CNTNAP3B: variants seen among roughly 807,000 people sequenced by gnomAD.
The protein encoded by CNTNAP3B is contactin associated protein family member 3B.
CNTNAP3B carries 25 observed loss-of-function variants against 108.9 expected under a neutral mutation model. The ratio of observed to expected loss-of-function variants is 0.23; its 90% CI spans 0.17 to 0.32. The LOEUF (loss-of-function observed/expected upper bound fraction) is 0.32. Among genes scored for constraint, CNTNAP3B ranks in the 10% least tolerant of loss-of-function variants. The pLI is 1.00. For synonymous variants in CNTNAP3B, 103 were observed against 473.4 expected, an observed-to-expected ratio of 0.22 and a Z score of 10.16; for missense variants, 252 against 1,210.4, an observed-to-expected ratio of 0.21 and a Z score of 11.75.
chr9:42,066,111 T>C (rs1426640297), intron 3 of CNTNAP3B, among the ~76,000 whole-genome samples: 2 of 135,372 alleles, frequency 1.5e-5, no homozygotes, highest in African/African-American at 5.9e-5. Context: ...AATTTTGAAT[T>C]ACATCATTTT....
chr9:41,993,985 C>T lies in CNTNAP3B; in HGVS notation c.1072-2114G>A, dbSNP rs1416393433. 4.2e-5 allele frequency: 6 copies of T among 143,186 alleles called. 1 individual carries two copies. Among genetic ancestry groups the T allele is most frequent in the Non-Finnish European group, 7.6e-5 (5 of 65,698 alleles). The allele number at this position is 143,186 out of a possible 1,614,324, so 8.9% of individuals were successfully genotyped here. ...GAGGATGATATCCAGAACCCAGAGACACCAGCTTAACTGTGGTTCTCCTTA... is the reference window on the plus strand; with the variant it reads ...GAGGATGATATCCAGAACCCAGAGATACCAGCTTAACTGTGGTTCTCCTTA... On this transcript the variant is annotated intron_variant, in intron 7 of 23. Transcript: ENST00000377561.
intron 10 of CNTNAP3B, among the ~76,000 whole-genome samples, chr9:41,969,656 C>T (rs1339426195): frequency 1.3e-5 from 2 of 151,928 alleles, no homozygotes; most frequent in African/African-American, 2.4e-5. Flanking sequence ...CTCGCTCTGT[C>T]GCCCAGGCTG....
intron 3 of CNTNAP3B, among the ~76,000 whole-genome samples, chr9:42,030,802 A>AGAGAGATGTGTGC (rs1826506680): frequency 1.2e-5 from 1 of 85,168 alleles, no homozygotes; most frequent in African/African-American, 5.0e-5. Context: ...CGAGAGAGAG[A>AGAGAGATGTGTGC]GAGAGAGAGA....
chr9:41,964,887 C>A (rs1164419052), intron 10 of CNTNAP3B, among the ~76,000 whole-genome samples: 3 of 152,252 alleles, frequency 2.0e-5, no homozygotes, highest in Non-Finnish European at 4.4e-5. Flanking sequence ...TTCTTTTTTT[C>A]TTTGTCCCAA....
rs1214326050 is a variant in CNTNAP3B, at chr9:41,934,122, T to TATATATATATATATATATATATAC, written c.2237+4121_2237+4122insGTATATATATATATATATATATAT. 4.4e-3 allele frequency among the ~76,000 whole-genome samples: 322 copies of TATATATATATATATATATATATAC among 72,774 alleles called. 4 individuals are homozygous for TATATATATATATATATATATATAC. Among genetic ancestry groups the TATATATATATATATATATATATAC allele is most frequent in the African/African-American group, 0.016 (260 of 16,544 alleles). 47.7% of individuals were successfully genotyped at this position (72,774 alleles called of 152,430 possible). On this transcript the variant is annotated intron_variant, in intron 14 of 23. Transcript: ENST00000377561. ...TTACATATATATATATATATATATA[T>TATATATATATATATATATATATAC]ACACACACATATATATATACACACA...
At chr9:41,924,936 T>C (rs1321220011) in intron 15 of CNTNAP3B, among the ~76,000 whole-genome samples, 2 of 152,176 alleles carry the variant, frequency 1.3e-5, no homozygotes, top group Non-Finnish European at 2.9e-5. Flanking sequence ...CATGATTGGA[T>C]TCATGTTGTG....
At chr9:41,925,184 G>A (rs1823779701) in intron 15 of CNTNAP3B, among the ~76,000 whole-genome samples, 1 of 149,130 alleles carries the variant, frequency 6.7e-6, no homozygotes, top group South Asian at 2.1e-4. Flanking sequence ...TCATCCAATG[G>A]TTTTACAATA....
intron 3 of CNTNAP3B, among the ~76,000 whole-genome samples, chr9:42,018,132 ATAT>A (rs1826245840): frequency 7.3e-6 from 1 of 136,642 alleles, no homozygotes; most frequent in Non-Finnish European, 1.6e-5. Context: ...AAAAATTAGC[ATAT>A]TATCTTTATC....
At chr9:41,943,599 G>A (rs200115135) in intron 13 of CNTNAP3B, among the ~76,000 whole-genome samples, 29,695 of 147,964 alleles carry the variant, frequency 0.2, 2 homozygotes, top group South Asian at 0.27. Flanking sequence ...TGATCCGCCC[G>A]CCTCGGCCTC....
intron 3 of CNTNAP3B, among the ~76,000 whole-genome samples, chr9:42,055,037 G>T (rs1223389666): frequency 5.7e-5 from 8 of 141,150 alleles, no homozygotes; most frequent in Non-Finnish European, 1.1e-4. Context: ...TTTTATATCA[G>T]TATACTGAGC....
intron 15 of CNTNAP3B, among the ~76,000 whole-genome samples, chr9:41,926,013 ATCTCTCTC>A (rs371984503): frequency 6.6e-6 from 1 of 151,560 alleles, no homozygotes; most frequent in East Asian, 1.9e-4. Context: ...GTGTATTTGT[ATCTCTCTC>A]TCTCTCTCTC....
intron 13 of CNTNAP3B, among the ~76,000 whole-genome samples, chr9:41,951,193 C>A (rs540465685): frequency 6.1e-5 from 9 of 147,530 alleles, no homozygotes; most frequent in African/African-American, 2.3e-4. Context: ...TATTCGGGTT[C>A]TCTCTGTTAC....
intron 2 of CNTNAP3B, among the ~76,000 whole-genome samples, chr9:42,080,820 G>A (rs1179291046): frequency 1.1e-5 from 1 of 87,890 alleles, no homozygotes; most frequent in South Asian, 4.0e-4. Flanking sequence ...CTCAATTTTT[G>A]TTGTCTTTAA....
At chr9:41,919,060 T>A (rs1823594489) in intron 18 of CNTNAP3B, among the ~76,000 whole-genome samples, 1 of 152,290 alleles carries the variant, frequency 6.6e-6, no homozygotes, top group African/African-American at 2.4e-5. Flanking sequence ...TGTAAGAGGT[T>A]TCATAAAAGT....
chr9:41,939,065 T>C (rs1824248884), intron 13 of CNTNAP3B, among the ~76,000 whole-genome samples: 1 of 152,286 alleles, frequency 6.6e-6, no homozygotes, highest in African/African-American at 2.4e-5. Context: ...TGACAATGAT[T>C]AAATGATAGA....
intron 13 of CNTNAP3B, among the ~76,000 whole-genome samples, chr9:41,938,944 G>C (rs1479591544): frequency 6.6e-6 from 1 of 152,136 alleles, no homozygotes; most frequent in African/African-American, 2.4e-5. Context: ...GGAGGTTAAG[G>C]AATGACATTG....
Position 41,979,005 on chromosome 9 carries a change from G to T in CNTNAP3B, c.1477+7163C>A, listed in dbSNP as rs1171362549. Among the ~76,000 whole-genome samples, 3 of 140,388 alleles carry T rather than the reference G, an allele frequency of 2.1e-5. 1 individual carries two copies. The highest frequency in any genetic ancestry group is 8.5e-5 in the African/African-American group (3 of 35,456). The allele number at this position is 140,388 out of a possible 152,430, so 92.1% of individuals were successfully genotyped here. On this transcript the variant is annotated intron_variant, in intron 9 of 23. Transcript: ENST00000377561. Reference sequence around the variant, plus strand: ...GCAGTGTAGCAGCAGTGGGTGGTAAGGTCTGGGTCGGGTTCATCCCCAGGT... The same window carrying T: ...GCAGTGTAGCAGCAGTGGGTGGTAATGTCTGGGTCGGGTTCATCCCCAGGT...
intron 14 of CNTNAP3B, among the ~76,000 whole-genome samples, chr9:41,931,689 C>T (rs1447672385): frequency 6.6e-6 from 1 of 150,532 alleles, no homozygotes; most frequent in African/African-American, 2.5e-5. Context: ...TTAGAGTGGA[C>T]TGATGGTAGA....
chr9:42,003,234 T>G (rs1826035430), intron 4 of CNTNAP3B, among the ~76,000 whole-genome samples: 1 of 128,780 alleles, frequency 7.8e-6, no homozygotes, highest in African/African-American at 3.1e-5. Flanking sequence ...AAATCTGGCT[T>G]CTCATTACTA....
Sources: gnomAD v4.1 joint callset for allele counts (sites outside exome capture counted in the v4.1 genomes callset) on GRCh38, gnomAD v4.1.1 for gene constraint, MANE v1.5 for transcripts, NCBI Gene and HGNC (gene_info 2026-07-23, HGNC 2026-07-21) for gene names.